The following DOCK7 variants were observed in gnomAD, a reference collection of about 807,000 sequenced individuals.
DOCK7 encodes dedicator of cytokinesis protein 7.
DOCK7 carries 138 observed loss-of-function variants against 271.0 expected under a neutral mutation model. The observed-to-expected ratio is 0.51, with a 90% CI of 0.44 to 0.59. The LOEUF is 0.59. Ranked by LOEUF, DOCK7 falls within the 20% of genes least tolerant of loss-of-function variation. DOCK7 has a pLI of 0.00. For missense variants in DOCK7, 2,066 were observed against 2,592.4 expected (o/e 0.80, Z 4.41); for synonymous variants, 823 against 876.1 (o/e 0.94, Z 1.07).
intron 6 of DOCK7, 102 bp downstream of exon 6, chr1:62,648,004 C>T: frequency 9.3e-7 from 1 of 1,076,708 alleles, no homozygotes; most frequent in Non-Finnish European, 1.4e-6. Context: ...ACAGCTGTTT[C>T]AGTTGCTTTA....
chr1:62,541,981 C>G (rs1463998057), intron 25 of DOCK7, among the ~76,000 whole-genome samples: 1 of 152,122 alleles, frequency 6.6e-6, no homozygotes, highest in African/African-American at 2.4e-5. Context: ...AAGCAAGCCT[C>G]CCTCCTCAGC....
intron 20 of DOCK7, among the ~76,000 whole-genome samples, chr1:62,557,801 C>T (rs1350735683): frequency 2.0e-5 from 3 of 151,008 alleles, no homozygotes; most frequent in African/African-American, 7.3e-5. Context: ...TCCTTAAAAC[C>T]TTCTTCTATA....
In DOCK7 at chr1:62,584,702, T is replaced by C; in HGVS notation, c.1801-1448A>G. On this transcript the variant is annotated intron_variant, in intron 15 of 49. Coordinates refer to ENST00000635253, the MANE Select transcript of DOCK7 (RefSeq NM_001367561.1). ...TCCAAAAATGTGACAGGAGTCAAGA[T>C]ATAGACATGAGTAAGACATCGTCCC... is the stretch of plus-strand genomic sequence containing the variant. The C allele has an allele frequency of 3.2e-6, 4 of 1,241,086 alleles. No homozygotes were observed. In the South Asian group the frequency reaches 4.4e-5, roughly 14 times the overall value. 76.9% of individuals were successfully genotyped at this position (1,241,086 alleles called of 1,614,324 possible).
At chr1:62,603,304 T>A (rs1041799462) in intron 14 of DOCK7, among the ~76,000 whole-genome samples, 1 of 151,704 alleles carries the variant, frequency 6.6e-6, no homozygotes, top group Non-Finnish European at 1.5e-5. Context: ...TAGTGAATGT[T>A]TAATGAAAAC....
chr1:62,499,528 C>A (rs1646718867), intron 37 of DOCK7, among the ~76,000 whole-genome samples: 1 of 152,108 alleles, frequency 6.6e-6, no homozygotes, highest in Non-Finnish European at 1.5e-5. Context: ...AGTGAGGAAT[C>A]CTAGGGCACA....
intron 22 of DOCK7, among the ~76,000 whole-genome samples, chr1:62,551,665 T>G (rs1278149979): frequency 6.6e-6 from 1 of 152,138 alleles, no homozygotes; most frequent in South Asian, 2.1e-4. Flanking sequence ...AATAGGAAGG[T>G]AGCTATCAAA....
At chr1:62,467,998 C>CA (rs1381486068) in intron 48 of DOCK7, among the ~76,000 whole-genome samples, 1 of 152,026 alleles carries the variant, frequency 6.6e-6, no homozygotes, top group African/African-American at 2.4e-5. Flanking sequence ...GAATTAAAAA[C>CA]AAAAATCACA....
intron 48 of DOCK7, among the ~76,000 whole-genome samples, chr1:62,468,351 ACT>A (rs1361287652): frequency 8.5e-6 from 1 of 116,976 alleles, no homozygotes; most frequent in African/African-American, 3.8e-5. Context: ...ACAGAGCGAG[ACT>A]CTGTCTCAAA....
intron 14 of DOCK7, chr1:62,604,763 TATAAAA>T (rs745852131): frequency 1.2e-6 from 2 of 1,613,054 alleles, no homozygotes; most frequent in Admixed American, 3.3e-5. Flanking sequence ...GGTTATACTC[TATAAAA>T]TCAACCAAAA....
At chr1:62,565,345 C>G in intron 18 of DOCK7, among the ~76,000 whole-genome samples, 1 of 152,074 alleles carries the variant, frequency 6.6e-6, no homozygotes, top group Admixed American at 6.6e-5. Context: ...AGCAGCACAC[C>G]AAAAAGCTTA....
chr1:62,496,208 G>T, intron 38 of DOCK7, 131 bp downstream of exon 38: 1 of 937,132 alleles, frequency 1.1e-6, no homozygotes. Flanking sequence ...CCTATCTATG[G>T]CACATGATGT....
chr1:62,668,817 TGG>T (rs770043065), intron 1 of DOCK7, among the ~76,000 whole-genome samples: 25 of 151,114 alleles, frequency 1.7e-4, no homozygotes, highest in Non-Finnish European at 3.5e-4. Context: ...ACTAGCTACT[TGG>T]GAGGCTGAAG....
intron 48 of DOCK7, among the ~76,000 whole-genome samples, chr1:62,468,986 A>T (rs536451059): frequency 5.0e-4 from 76 of 152,302 alleles, no homozygotes; most frequent in Non-Finnish European, 8.8e-4. Flanking sequence ...TGTCAAAATG[A>T]CCATACTGCC....
At chr1:62,639,424 C>CTTT (rs1571866688) in intron 7 of DOCK7, among the ~76,000 whole-genome samples, 15 of 109,466 alleles carry the variant, frequency 1.4e-4, no homozygotes, top group African/African-American at 2.1e-4. Flanking sequence ...CTTTGTAATA[C>CTTT]TCTTTTTTTT....
At chr1:62,455,664 A>G (rs569703319) in intron 49 of DOCK7, among the ~76,000 whole-genome samples, 29 of 152,310 alleles carry the variant, frequency 1.9e-4, no homozygotes, top group African/African-American at 7.0e-4. Flanking sequence ...GTCACCACTT[A>G]CTGGTCTTTT....
chr1:62,494,098 AG>A (rs1486509655), intron 40 of DOCK7, among the ~76,000 whole-genome samples, 176 bp downstream of exon 40: 2 of 152,224 alleles, frequency 1.3e-5, no homozygotes, highest in Non-Finnish European at 2.9e-5. Context: ...ATCAACAAGA[AG>A]TACTCCTTAA....
intron 28 of DOCK7, 78 bp from the exon 29 acceptor site, chr1:62,535,710 G>C: frequency 2.9e-6 from 4 of 1,383,726 alleles, no homozygotes; most frequent in Non-Finnish European, 2.9e-6. Context: ...TATAAGAAAT[G>C]AAATACTTTT....
At position 62,477,817 on chromosome 1, in the gene DOCK7, A is replaced by C. The variant is rs764982879; in HGVS notation, c.5517T>G (p.Phe1839Leu). Residue 1839 changes from phenylalanine to leucine, a missense_variant, in exon 44 of 50, where the codon TTT becomes TTG. Around this residue, in one of 2 missense-constraint regions of DOCK7, gnomAD observed 652 missense variants for 922.1 expected, o/e 0.71. Coordinates refer to ENST00000635253, the MANE Select transcript of DOCK7 (RefSeq NM_001367561.1). ...AAAAACCAACACGAAAATAGGTGCC[A>C]AACATCCGCTTACCATCCTAGGTTT... ...VHQSTGWERM[F>L]GTYFRVGFYG... 6.2e-7 allele frequency: 1 copy of C among 1,607,466 alleles called. No individual in the cohort carries two copies. Among genetic ancestry groups the C allele is most frequent in the East Asian group, 2.2e-5 (1 of 44,628 alleles).
chr1:62,678,904 T>C (rs975613147), intron 1 of DOCK7, among the ~76,000 whole-genome samples: 1 of 152,124 alleles, frequency 6.6e-6, no homozygotes, highest in Non-Finnish European at 1.5e-5. Context: ...AAGAATTGGA[T>C]TGTTACACAA....
Sources: gnomAD v4.1 joint callset for allele counts (sites outside exome capture counted in the v4.1 genomes callset) on GRCh38, gnomAD v4.1.1 for gene constraint, gnomAD v4.1.1 regional missense constraint, MANE v1.5 for transcripts, NCBI Gene and HGNC (gene_info 2026-07-23, HGNC 2026-07-21) for gene names.